NME8: variants seen among roughly 807,000 people sequenced by gnomAD.
NME8 encodes the protein protein NME8.
In NME8, 72 loss-of-function variants were observed where a neutral mutation model predicts 82.3. The ratio of observed to expected loss-of-function variants is 0.87; its 90% CI spans 0.72 to 1.06. The LOEUF is 1.06. Among genes scored for constraint, NME8 ranks in the 50% least tolerant of loss-of-function variants. The pLI is 0.00. For synonymous variants in NME8, 267 were observed against 228.5 expected (o/e 1.17, Z -1.52); for missense variants, 712 against 685.4 (o/e 1.04, Z -0.43).
chr7:37,897,303 G>A, intron 17 of NME8, among the ~76,000 whole-genome samples, 196 bp downstream of exon 17: 1 of 152,080 alleles, frequency 6.6e-6, no homozygotes, highest in East Asian at 1.9e-4. Context: ...ATGACCGTGG[G>A]GATTCTGGTT....
rs774294246 is a variant in NME8, at chr7:37,888,364, G to A, written c.1335G>A (p.Gln445=). 7.4e-6 allele frequency: 12 copies of A among 1,613,352 alleles called. No homozygotes were observed. The highest frequency in any genetic ancestry group is 1.0e-5 in the Non-Finnish European group (12 of 1,179,504). ...DSLETAEREI[Q]HFFPLQSTLG... ...TAGAAACCGCTGAAAGGGAAATACAGCATTTCTTTCCTCTTCAAAGCACTT... is the reference window on the plus strand; with the variant it reads ...TAGAAACCGCTGAAAGGGAAATACAACATTTCTTTCCTCTTCAAAGCACTT... The change falls in exon 15 of 18, where the codon CAG becomes CAA. Residue 445 remains glutamine (Q), a synonymous_variant. Transcript: ENST00000199447.
At chr7:37,852,711 C>T (rs949633043) in intron 5 of NME8, among the ~76,000 whole-genome samples, 1 of 152,070 alleles carries the variant, frequency 6.6e-6, no homozygotes, top group Admixed American at 6.6e-5. Context: ...TCTGGATATA[C>T]CAGGGTTTAT....
At chr7:37,892,271 A>T (rs1583645423) in intron 15 of NME8, among the ~76,000 whole-genome samples, 1 of 150,886 alleles carries the variant, frequency 6.6e-6, no homozygotes, top group African/African-American at 2.4e-5. Context: ...CTAGATTCTT[A>T]TCTTCTCTTA....
rs1785073594 is a variant in NME8, at chr7:37,888,280, A to G, written c.1251A>G (p.Leu417=). ...EEAIEYFPES[L]CAQFAMDSLP... is the part of the protein sequence containing the mutation. ...AAACCTGACTTCTTTTTCAAAGTTT[A>G]TGTGCACAGTTTGCGATGGACAGTT... The change falls in exon 15 of 18, where the codon TTA becomes TTG. Residue 417 remains leucine (L), a synonymous_variant. Coordinates refer to ENST00000199447, the MANE Select transcript of NME8 (RefSeq NM_016616.5). 1 of 1,613,406 alleles carries G rather than the reference A, an allele frequency of 6.2e-7. No homozygotes were observed. Among genetic ancestry groups the G allele is most frequent in the South Asian group, 1.1e-5 (1 of 91,074 alleles).
chr7:37,894,468 C>G lies in NME8; in HGVS notation c.1402C>G (p.Gln468Glu). Reference sequence around the variant, plus strand: ...TATCAAATATTTGTTTTTCTTAGAGCAGATCCTGAAGATAGTTAAGGAGGC... The same window carrying G: ...TATCAAATATTTGTTTTTCTTAGAGGAGATCCTGAAGATAGTTAAGGAGGC... ...KPHATSEQRE[Q>E]ILKIVKEAGF... Residue 468 changes from glutamine (Q) to glutamate (E), a missense_variant and splice_region_variant, in exon 16 of 18, where the codon CAG becomes GAG. Transcript: ENST00000199447. The G allele has an allele frequency of 6.2e-7, 1 of 1,612,448 alleles. No individual in the cohort carries two copies. Among genetic ancestry groups the G allele is most frequent in the Non-Finnish European group, 8.5e-7 (1 of 1,178,822 alleles).
intron 15 of NME8, among the ~76,000 whole-genome samples, chr7:37,894,218 T>G (rs927790309): frequency 1.3e-5 from 2 of 152,160 alleles, no homozygotes. Context: ...TCTACTCTTG[T>G]GGCCTACTAG....
intron 12 of NME8, among the ~76,000 whole-genome samples, chr7:37,881,177 A>C (rs912829571): frequency 6.6e-6 from 1 of 152,238 alleles, no homozygotes; most frequent in Non-Finnish European, 1.5e-5. Context: ...TCTTTAGCTA[A>C]GATTTCCAGT....
rs538976975 is a variant in NME8 at position 37,857,043 on chromosome 7, T to C, written c.199-231T>C. The stretch of plus-strand genomic sequence containing the variant: ...GGGAGGAAAAGATGAGTAAATAAGT[T>C]TGGCTAAAGGTTGGTTAATGTAAAG... On this transcript the variant is annotated intron_variant, in intron 5 of 17. Coordinates refer to ENST00000199447, the MANE Select transcript of NME8 (RefSeq NM_016616.5). Among the ~76,000 whole-genome samples the C allele has an allele frequency of 1.3e-4, 20 of 152,182 alleles. No homozygotes were observed. In the East Asian group the frequency reaches 3.9e-3, roughly 29 times the overall value.
chr7:37,891,123 T>G (rs1785123177), intron 15 of NME8, among the ~76,000 whole-genome samples: 1 of 151,982 alleles, frequency 6.6e-6, no homozygotes, highest in African/African-American at 2.4e-5. Context: ...GAATCCTTTT[T>G]TGGGGTTTTT....
intron 12 of NME8, among the ~76,000 whole-genome samples, chr7:37,877,919 TG>T (rs1299724940): frequency 2.6e-5 from 4 of 152,212 alleles, no homozygotes; most frequent in African/African-American, 4.8e-5. Flanking sequence ...TAATAGGGTT[TG>T]CAAAGTGAGA....
At chr7:37,876,101 C>T (rs898297983) in intron 11 of NME8, among the ~76,000 whole-genome samples, 27 of 113,420 alleles carry the variant, frequency 2.4e-4, no homozygotes, top group Middle Eastern at 3.9e-3. Flanking sequence ...CCCAGCTACT[C>T]GGGAGGCGAG....
intron 5 of NME8, among the ~76,000 whole-genome samples, chr7:37,855,400 A>G (rs545261833): frequency 6.6e-6 from 1 of 152,294 alleles, no homozygotes; most frequent in East Asian, 1.9e-4. Context: ...AGCCCTGATC[A>G]TAAACCCAAC....
chr7:37,891,062 T>C (rs913794200), intron 15 of NME8, among the ~76,000 whole-genome samples: 2 of 152,010 alleles, frequency 1.3e-5, no homozygotes, highest in African/African-American at 4.8e-5. Flanking sequence ...GTATGTTCAA[T>C]AGATATCTTC....
chr7:37,889,897 C>G (rs1240190241), intron 15 of NME8, among the ~76,000 whole-genome samples: 1 of 151,940 alleles, frequency 6.6e-6, no homozygotes, highest in East Asian at 1.9e-4. Flanking sequence ...CTGTCAGAAA[C>G]TAGAGGTATG....
Position 37,894,690 on chromosome 7 carries a change from A to G in NME8, c.1544+80A>G, listed in dbSNP as rs994425000. ...AGAAACTTTGAAAAATGCAAAAATT[A>G]ATTAAAACATTTCATCTAATCTCAT... On this transcript the variant is annotated intron_variant, in intron 16 of 17. Transcript: ENST00000199447. 9 of 1,280,262 alleles carry G rather than the reference A, an allele frequency of 7.0e-6. No individual in the cohort carries two copies. The African/African-American group carries it at 1.3e-4, about 19-fold the overall frequency. 79.3% of individuals were successfully genotyped at this position (1,280,262 alleles called of 1,614,324 possible). A position where few individuals can be genotyped will look rare whatever the true frequency, so the allele number is the denominator to read the frequency against.
intron 17 of NME8, among the ~76,000 whole-genome samples, chr7:37,899,976 C>A (rs1785289549): frequency 6.6e-6 from 1 of 152,208 alleles, no homozygotes; most frequent in African/African-American, 2.4e-5. Context: ...ACCAGCAATT[C>A]TGAATCCTTG....
chr7:37,871,504 G>A (rs116720058), intron 11 of NME8, among the ~76,000 whole-genome samples: 96 of 152,302 alleles, frequency 6.3e-4, no homozygotes, highest in African/African-American at 2.3e-3. Flanking sequence ...ATTGCTCAGA[G>A]TCACACAGGT....
In NME8 at chr7:37,889,937, A is replaced by G. The variant is rs571518057; in HGVS notation, c.1399+1509A>G. ...ACCTGTTTTCAGTATATTGTTGGCT[A>G]TATTTCCTGTATTTTCTGATTTATA... On this transcript the variant is annotated intron_variant, in intron 15 of 17. Coordinates refer to ENST00000199447, the MANE Select transcript of NME8 (RefSeq NM_016616.5). 3.3e-5 allele frequency among the ~76,000 whole-genome samples: 5 copies of G among 150,050 alleles called. No individual in the cohort carries two copies. In the East Asian group the frequency reaches 1.1e-3, roughly 32 times the overall value.
At position 37,862,084 on chromosome 7, in the gene NME8, A is replaced by C. The variant is rs768937346; in HGVS notation, c.327A>C (p.Lys109Asn). ...CAAATGCACCGCTTGTTAATAAAAA[A>C]GTTATTAATTTGATCGATGAGGAGA... The part of the protein sequence containing the change: ...QGANAPLVNK[K>N]VINLIDEERK... Residue 109 changes from lysine (K) to asparagine (N), a missense_variant, in exon 7 of 18, where the codon AAA becomes AAC. Lys to Asn is a moderately conservative substitution (Grantham distance 94, BLOSUM62 0). Coordinates refer to ENST00000199447, the MANE Select transcript of NME8 (RefSeq NM_016616.5). 1.9e-6 allele frequency: 3 copies of C among 1,613,688 alleles called. No individual in the cohort carries two copies. The highest frequency in any genetic ancestry group is 1.7e-5 in the Admixed American group (1 of 59,970).
Sources: gnomAD v4.1 joint callset for allele counts (sites outside exome capture counted in the v4.1 genomes callset) on GRCh38, gnomAD v4.1.1 for gene constraint, MANE v1.5 for transcripts, NCBI Gene and HGNC (gene_info 2026-07-23, HGNC 2026-07-21) for gene names.